U2SURP: variants seen among roughly 807,000 people sequenced by gnomAD.
U2SURP encodes the protein U2 snRNP-associated SURP motif-containing protein.
A neutral mutation model predicts 144.9 loss-of-function variants in U2SURP; 9 were observed. The observed-to-expected ratio is 0.06, with a 90% confidence interval of 0.04 to 0.11. The LOEUF is 0.11. U2SURP is among the 10% of genes least tolerant of loss of function. The pLI, the probability that U2SURP is intolerant of heterozygous loss-of-function variation, is 1.00. For missense variants in U2SURP, 724 were observed against 1,226.7 expected (o/e 0.59, Z 6.12); for synonymous variants, 408 against 396.8 (o/e 1.03, Z -0.33).
rs1189324751 is a variant in U2SURP, at chr3:143,033,267, A to G, written c.1774-4A>G. Reference sequence around the variant, plus strand: ...CTATTTTGTGTTATCTTTTGATATTATAGATTGCCAGATTATATTTGGTTT... The same window carrying G: ...CTATTTTGTGTTATCTTTTGATATTGTAGATTGCCAGATTATATTTGGTTT... On this transcript the variant is annotated splice_polypyrimidine_tract_variant and splice_region_variant and intron_variant, in intron 17 of 27. Coordinates refer to ENST00000473835, the MANE Select transcript of U2SURP (RefSeq NM_001080415.2). The G allele has an allele frequency of 1.3e-6, 2 of 1,519,106 alleles. No individual in the cohort carries two copies. The highest frequency in any genetic ancestry group is 8.9e-7 in the Non-Finnish European group (1 of 1,118,910). 94.1% of individuals were successfully genotyped at this position (1,519,106 alleles called of 1,614,324 possible).
chr3:143,009,779 T>G (rs1055434213), intron 1 of U2SURP, among the ~76,000 whole-genome samples: 5 of 152,164 alleles, frequency 3.3e-5, no homozygotes, highest in African/African-American at 1.2e-4. Context: ...ACAATGTAAA[T>G]AAAACAATAC....
At chr3:143,023,701 A>G (rs998775363) in intron 12 of U2SURP, among the ~76,000 whole-genome samples, 28 of 152,314 alleles carry the variant, frequency 1.8e-4, no homozygotes, top group Admixed American at 1.3e-3. Flanking sequence ...TTTATCTGAT[A>G]ATTCTCAGTG....
intron 23 of U2SURP, among the ~76,000 whole-genome samples, chr3:143,041,709 C>T (rs1934113353): frequency 6.6e-6 from 1 of 151,890 alleles, no homozygotes. Flanking sequence ...TAACTTTTTA[C>T]ATTATTAAGA....
intron 12 of U2SURP, chr3:143,023,442 G>T: frequency 5.5e-6 from 1 of 181,464 alleles, no homozygotes; most frequent in Non-Finnish European, 1.1e-5. Flanking sequence ...ATGGCAGCTA[G>T]ATCTGAGGTA....
chr3:143,025,566 C>T (rs1284634790), intron 13 of U2SURP, among the ~76,000 whole-genome samples: 1 of 152,116 alleles, frequency 6.6e-6, no homozygotes, highest in African/African-American at 2.4e-5. Flanking sequence ...CATAACTTTA[C>T]ATTATCGCCC....
At chr3:143,050,533 A>G (rs528649936) in intron 24 of U2SURP, among the ~76,000 whole-genome samples, 14 of 152,328 alleles carry the variant, frequency 9.2e-5, no homozygotes, top group Non-Finnish European at 1.9e-4. Flanking sequence ...CTGAACCAGA[A>G]TGCCACAGCC....
At chr3:143,054,906 C>A (rs371009333) in intron 26 of U2SURP, 37 bp from the exon 27 acceptor site, 2 of 1,525,382 alleles carry the variant, frequency 1.3e-6, no homozygotes, top group Admixed American at 2.6e-5. Flanking sequence ...CGATCCTTTG[C>A]TCATTTATGG....
intron 25 of U2SURP, among the ~76,000 whole-genome samples, chr3:143,052,759 A>G (rs1934952143): frequency 6.6e-6 from 1 of 152,230 alleles, no homozygotes; most frequent in Non-Finnish European, 1.5e-5. Context: ...CCTTTTAGAA[A>G]TCAGAAGAAT....
chr3:143,049,956 A>C (rs1934766512), intron 24 of U2SURP, among the ~76,000 whole-genome samples: 1 of 152,224 alleles, frequency 6.6e-6, no homozygotes, highest in African/African-American at 2.4e-5. Context: ...TATTAGCCAG[A>C]AATCTCTGGG....
At chr3:143,002,169 G>A (rs527412123) in intron 1 of U2SURP, 11 of 205,336 alleles carry the variant, frequency 5.4e-5, no homozygotes, top group Middle Eastern at 1.8e-3. Context: ...AGGACCACTA[G>A]GGCAAAGACA....
chr3:143,003,595 A>C (rs1935649991), intron 1 of U2SURP, among the ~76,000 whole-genome samples: 1 of 151,832 alleles, frequency 6.6e-6, no homozygotes, highest in Admixed American at 6.6e-5. Context: ...TGTCAGGATA[A>C]ATTTTAATCC....
At chr3:143,053,637 A>G in intron 25 of U2SURP, 39 bp from the exon 26 acceptor site, 1 of 1,162,104 alleles carries the variant, frequency 8.6e-7, no homozygotes, top group Non-Finnish European at 1.2e-6. Context: ...CCACATTGAT[A>G]TTTTTAAACA....
intron 13 of U2SURP, 131 bp downstream of exon 13, chr3:143,024,149 G>A (rs1439843279): frequency 2.6e-6 from 2 of 783,634 alleles, no homozygotes; most frequent in African/African-American, 3.5e-5. Flanking sequence ...CTTTTTGCGG[G>A]GGGATGTGTG....
intron 4 of U2SURP, 124 bp downstream of exon 4, chr3:143,014,533 G>T: frequency 1.8e-6 from 1 of 552,914 alleles, no homozygotes; most frequent in South Asian, 3.2e-5. Context: ...GTCCGCCTCT[G>T]AGTCAAGTCT....
chr3:143,004,577 C>CG (rs1244525111), intron 1 of U2SURP, among the ~76,000 whole-genome samples: 3 of 76,972 alleles, frequency 3.9e-5, no homozygotes, highest in African/African-American at 2.5e-4. Context: ...CTTGTGACCC[C>CG]CCCCCCCCGC....
chr3:143,032,611 T>A (rs1393652934), intron 16 of U2SURP, among the ~76,000 whole-genome samples, 173 bp from the exon 17 acceptor site: 1 of 152,210 alleles, frequency 6.6e-6, no homozygotes, highest in Non-Finnish European at 1.5e-5. Context: ...TATAAATTCT[T>A]CAAAAAATTG....
At chr3:143,016,061 C>T (rs1029562073) in intron 4 of U2SURP, among the ~76,000 whole-genome samples, 196 bp from the exon 5 acceptor site, 1 of 151,950 alleles carries the variant, frequency 6.6e-6, no homozygotes, top group African/African-American at 2.4e-5. Context: ...TGCAAATTGC[C>T]GGTAGAGGAG....
intron 1 of U2SURP, among the ~76,000 whole-genome samples, chr3:143,009,560 T>C (rs545872486): frequency 6.6e-6 from 1 of 151,416 alleles, no homozygotes; most frequent in African/African-American, 2.4e-5. Flanking sequence ...GTCGCGCCAC[T>C]GTACTCCAGC....
intron 3 of U2SURP, among the ~76,000 whole-genome samples, chr3:143,013,804 C>T (rs778647459): frequency 3.9e-5 from 6 of 151,936 alleles, no homozygotes; most frequent in African/African-American, 1.4e-4. Flanking sequence ...AAATTATGTT[C>T]ATAAATATCA....
Sources: gnomAD v4.1 joint callset for allele counts (sites outside exome capture counted in the v4.1 genomes callset) on GRCh38, gnomAD v4.1.1 for gene constraint, MANE v1.5 for transcripts, NCBI Gene and HGNC (gene_info 2026-07-23, HGNC 2026-07-21) for gene names.